DYM: variants seen among roughly 807,000 people sequenced by gnomAD.
DYM encodes dyggve-Melchior-Clausen syndrome protein.
In DYM, 78 loss-of-function variants were observed where a neutral mutation model predicts 93.1. The ratio of observed to expected loss-of-function variants is 0.84; its 90% CI spans 0.70 to 1.01. DYM has a LOEUF of 1.01. DYM is among the 50% of genes least tolerant of loss of function. The pLI is 0.00. For synonymous variants in DYM, 321 were observed against 319.7 expected (o/e 1.00, Z -0.04); for missense variants, 789 against 845.0 (o/e 0.93, Z 0.82).
chr18:49,092,231 A>G (rs530796894), intron 17 of DYM, among the ~76,000 whole-genome samples: 1 of 152,302 alleles, frequency 6.6e-6, no homozygotes, highest in Non-Finnish European at 1.5e-5. Flanking sequence ...GGGGAGTCCT[A>G]TTGTTCCAGT....
intron 5 of DYM, among the ~76,000 whole-genome samples, chr18:49,363,826 G>T (rs1176485178): frequency 6.6e-6 from 1 of 152,112 alleles, no homozygotes; most frequent in Non-Finnish European, 1.5e-5. Flanking sequence ...GCAACGGCAG[G>T]ATGCAAATTA....
chr18:49,426,477 A>G (rs2074301309), intron 2 of DYM, among the ~76,000 whole-genome samples: 1 of 151,916 alleles, frequency 6.6e-6, no homozygotes, highest in Non-Finnish European at 1.5e-5. Flanking sequence ...GCACATCAAC[A>G]TGGCACACGT....
chr18:49,299,772 G>A lies in DYM; in HGVS notation c.764-13156C>T, dbSNP rs143398543. ...AAAAATATTCATATGGTCCGGACAC[G>A]GTGGCTCACGCCTGTAATCCCAGCA... On this transcript the variant is annotated intron_variant, in intron 8 of 17. Transcript: ENST00000675505. 1.5e-4 allele frequency among the ~76,000 whole-genome samples: 23 copies of A among 152,022 alleles called. No individual in the cohort carries two copies. In the South Asian group the frequency reaches 3.5e-3, roughly 23 times the overall value.
intron 17 of DYM, among the ~76,000 whole-genome samples, chr18:49,076,699 T>C (rs773134460): frequency 1.3e-5 from 2 of 152,244 alleles, no homozygotes; most frequent in Non-Finnish European, 2.9e-5. Flanking sequence ...CAGAACAGAC[T>C]GCTGCTGTCA....
rs983132632 is a variant in DYM, at chr18:49,272,039, T to A, written c.1251+139A>T. 7 of 503,194 alleles carry A rather than the reference T, an allele frequency of 1.4e-5. 1 individual carries two copies. The highest frequency in any genetic ancestry group is 3.8e-5 in the East Asian group (1 of 26,560). 31.2% of individuals were successfully genotyped at this position (503,194 alleles called of 1,614,324 possible). ...AAAAAAAAAAGCACCGCTTCATAAA[T>A]CTGAAGAAAGACATAACATTTCTAA... is the stretch of plus-strand genomic sequence containing the variant. On this transcript the variant is annotated intron_variant, in intron 11 of 17. Transcript: ENST00000675505.
At chr18:49,088,226 T>C (rs557886098) in intron 17 of DYM, among the ~76,000 whole-genome samples, 1 of 152,354 alleles carries the variant, frequency 6.6e-6, no homozygotes, top group South Asian at 2.1e-4. Context: ...TAGGTTTTCT[T>C]CTAGGGTTTT....
intron 14 of DYM, among the ~76,000 whole-genome samples, chr18:49,167,549 TTTTA>T (rs1340445147): frequency 2.0e-5 from 3 of 152,210 alleles, no homozygotes; most frequent in African/African-American, 4.8e-5. Context: ...TAATTTTGGC[TTTTA>T]TTTAACATTT....
At chr18:49,169,752 C>T (rs574794133) in intron 14 of DYM, among the ~76,000 whole-genome samples, 1 of 152,144 alleles carries the variant, frequency 6.6e-6, no homozygotes, top group Non-Finnish European at 1.5e-5. Context: ...AAACCACTGA[C>T]CTGAGCAATG....
At chr18:49,372,375 A>G (rs2067126793) in intron 5 of DYM, among the ~76,000 whole-genome samples, 1 of 152,256 alleles carries the variant, frequency 6.6e-6, no homozygotes, top group Non-Finnish European at 1.5e-5. Flanking sequence ...AAAAACAGAA[A>G]GTTTTTAGTC....
chr18:49,174,237 G>GTTA (rs2089117986), intron 14 of DYM, among the ~76,000 whole-genome samples: 1 of 152,092 alleles, frequency 6.6e-6, no homozygotes, highest in Non-Finnish European at 1.5e-5. Context: ...TGATGATGTA[G>GTTA]ATAAGAATGA....
Position 49,152,887 on chromosome 18 carries a change from T to C in DYM, c.1728+10798A>G, listed in dbSNP as rs538225082. Among the ~76,000 whole-genome samples the C allele has an allele frequency of 6.8e-4, 103 of 152,266 alleles. 2 individuals are homozygous for C. Among genetic ancestry groups the C allele is most frequent in the African/African-American group, 2.5e-3 (102 of 41,550 alleles). ...CAGAGACAAAAAGGGAAATACTGCA[T>C]GATCTCACTTAGATGTGAAATCCAA... On this transcript the variant is annotated intron_variant, in intron 15 of 17. Coordinates refer to ENST00000675505, the MANE Select transcript of DYM (RefSeq NM_001353214.3).
intron 8 of DYM, among the ~76,000 whole-genome samples, chr18:49,318,985 G>A (rs1267283671): frequency 2.0e-5 from 3 of 150,430 alleles, no homozygotes; most frequent in African/African-American, 7.3e-5. Context: ...TTTTGTATTT[G>A]TAGTAGAGAC....
At position 49,392,928 on chromosome 18, in the gene DYM, G is replaced by C. The variant is rs570916263; in HGVS notation, c.141-1283C>G. 1.9e-4 allele frequency among the ~76,000 whole-genome samples: 28 copies of C among 150,048 alleles called. No homozygotes were observed. The South Asian group carries it at 5.5e-3, about 29-fold the overall frequency. ...GAGAATTGCTTGAACCCAGGAGGCAGAGGTTACAGTGAGCCAAGATCGTGC... is the reference window on the plus strand; with the variant it reads ...GAGAATTGCTTGAACCCAGGAGGCACAGGTTACAGTGAGCCAAGATCGTGC... On this transcript the variant is annotated intron_variant, in intron 2 of 17. Transcript: ENST00000675505.
At chr18:49,377,511 G>C in intron 5 of DYM, among the ~76,000 whole-genome samples, 1 of 152,094 alleles carries the variant, frequency 6.6e-6, no homozygotes, top group African/African-American at 2.4e-5. Context: ...AGTGAGCCAA[G>C]ATCGCACCAC....
At chr18:49,103,574 T>C (rs999076507) in intron 16 of DYM, among the ~76,000 whole-genome samples, 2 of 152,332 alleles carry the variant, frequency 1.3e-5, no homozygotes, top group African/African-American at 4.8e-5. Context: ...TAATCCATCT[T>C]GAATTAATTT....
At chr18:49,265,746 C>A in intron 11 of DYM, among the ~76,000 whole-genome samples, 1 of 148,038 alleles carries the variant, frequency 6.8e-6, no homozygotes, top group Admixed American at 6.8e-5. Flanking sequence ...CCATTGCACT[C>A]CAGCCTGGGC....
At chr18:49,091,006 A>T (rs1181927677) in intron 17 of DYM, among the ~76,000 whole-genome samples, 1 of 152,244 alleles carries the variant, frequency 6.6e-6, no homozygotes, top group African/African-American at 2.4e-5. Flanking sequence ...CAAGACCTCC[A>T]GTCTTAACTG....
intron 14 of DYM, among the ~76,000 whole-genome samples, chr18:49,202,991 G>A (rs1404313065): frequency 5.1e-5 from 4 of 78,448 alleles, no homozygotes; most frequent in East Asian, 4.5e-4. Context: ...CGTGCCATCC[G>A]GGAGGGAGGT....
At chr18:49,244,516 G>T (rs1166245270) in intron 13 of DYM, among the ~76,000 whole-genome samples, 1 of 152,184 alleles carries the variant, frequency 6.6e-6, no homozygotes, top group Non-Finnish European at 1.5e-5. Flanking sequence ...ACTGGCAAAG[G>T]AAGGTGTTGT....
Sources: allele counts gnomAD v4.1 joint callset (sites outside exome capture counted in the v4.1 genomes callset), GRCh38; gene constraint gnomAD v4.1.1; transcripts MANE v1.5; gene names NCBI Gene and HGNC (gene_info 2026-07-23, HGNC 2026-07-21).